CDH13: variants seen among roughly 807,000 people sequenced by gnomAD.
The protein encoded by CDH13 is cadherin 13.
CDH13 carries 24 observed loss-of-function variants against 63.8 expected under a neutral mutation model. That is an observed-to-expected ratio of 0.38 (90% CI 0.27 to 0.53). CDH13 has a LOEUF of 0.53. Among genes scored for constraint, CDH13 ranks in the 20% least tolerant of loss-of-function variants. The pLI is 0.85. For synonymous variants in CDH13, 503 were observed against 355.3 expected (o/e 1.42, Z -4.67); for missense variants, 1,049 against 903.1 (o/e 1.16, Z -2.07).
intron 4 of CDH13, among the ~76,000 whole-genome samples, chr16:83,202,835 G>C (rs781020044): frequency 6.6e-6 from 1 of 152,174 alleles, no homozygotes; most frequent in Non-Finnish European, 1.5e-5. Flanking sequence ...TTGGTACAGG[G>C]AGATAAACAT....
chr16:83,658,536 A>G (rs1223875714), intron 8 of CDH13, among the ~76,000 whole-genome samples: 5 of 142,188 alleles, frequency 3.5e-5, no homozygotes. Context: ...CCGTATCCTC[A>G]CCAGCAAGGT....
intron 4 of CDH13, among the ~76,000 whole-genome samples, chr16:83,182,065 C>CTGGTACTCAGTAAT (rs1327493746): frequency 6.6e-6 from 1 of 152,182 alleles, no homozygotes; most frequent in Non-Finnish European, 1.5e-5. Context: ...TGTGCATTGT[C>CTGGTACTCAGTAAT]TGGTACTCAG....
At chr16:82,718,881 C>G (rs757017126) in intron 1 of CDH13, among the ~76,000 whole-genome samples, 2 of 152,152 alleles carry the variant, frequency 1.3e-5, no homozygotes, top group Non-Finnish European at 1.5e-5. Context: ...ACAGCTAAAT[C>G]ATATCAAGTG....
At chr16:83,361,949 A>G (rs2091170326) in intron 6 of CDH13, among the ~76,000 whole-genome samples, 2 of 152,190 alleles carry the variant, frequency 1.3e-5, no homozygotes, top group African/African-American at 4.8e-5. Flanking sequence ...AGTTTTTCTA[A>G]TTCTATCAAA....
At position 83,339,607 on chromosome 16, in the gene CDH13, T is replaced by G. The variant is rs182297133; in HGVS notation, c.637-5255T>G. Among the ~76,000 whole-genome samples the G allele has an allele frequency of 4.1e-3, 631 of 152,214 alleles. 3 individuals are homozygous for G. Among genetic ancestry groups the G allele is most frequent in the African/African-American group, 0.014 (589 of 41,524 alleles). ...GTGCATGCTCTGCTCAGGGCCCGGA[T>G]CTGGTGTGTCAGCAGGATTCAGTAT... On this transcript the variant is annotated intron_variant, in intron 5 of 13. Transcript: ENST00000567109.
At chr16:83,300,418 T>C (rs2089706542) in intron 5 of CDH13, among the ~76,000 whole-genome samples, 1 of 152,274 alleles carries the variant, frequency 6.6e-6, no homozygotes, top group Non-Finnish European at 1.5e-5. Flanking sequence ...TATTTTCATT[T>C]GATTTTCTCA....
intron 5 of CDH13, among the ~76,000 whole-genome samples, chr16:83,334,774 C>T (rs757472923): frequency 1.8e-4 from 28 of 152,074 alleles, no homozygotes; most frequent in African/African-American, 1.2e-4. Context: ...ACCGAAACTT[C>T]ATGAAAAGAT....
At chr16:83,779,828 A>C in intron 11 of CDH13, 140 bp from the exon 12 acceptor site, 1 of 610,774 alleles carries the variant, frequency 1.6e-6, no homozygotes, top group Non-Finnish European at 2.8e-6. Flanking sequence ...ACTGCATTCC[A>C]GTCTGGGCGA....
chr16:83,779,182 G>A (rs1345776546), intron 11 of CDH13, among the ~76,000 whole-genome samples: 2 of 151,726 alleles, frequency 1.3e-5, no homozygotes, highest in Non-Finnish European at 2.9e-5. Context: ...CTAGGCAGGC[G>A]GATCACGAGG....
intron 3 of CDH13, among the ~76,000 whole-genome samples, chr16:83,053,734 C>T (rs770944629): frequency 8.5e-5 from 13 of 152,050 alleles, no homozygotes; most frequent in East Asian, 1.9e-4. Flanking sequence ...AGATAAAGAA[C>T]GCTATATCAT....
At chr16:83,482,834 G>C (rs1046119072) in intron 6 of CDH13, among the ~76,000 whole-genome samples, 1 of 152,172 alleles carries the variant, frequency 6.6e-6, no homozygotes, top group African/African-American at 2.4e-5. Flanking sequence ...GTGGGAGAAG[G>C]GACCCGGTGA....
chr16:82,993,545 G>C (rs76653241), intron 2 of CDH13, among the ~76,000 whole-genome samples: 3 of 152,100 alleles, frequency 2.0e-5, no homozygotes, highest in Non-Finnish European at 2.9e-5. Context: ...AAGTAGCATT[G>C]GGCCATGTTT....
chr16:83,086,355 G>T (rs994218859), intron 3 of CDH13, among the ~76,000 whole-genome samples: 3 of 152,088 alleles, frequency 2.0e-5, no homozygotes, highest in Non-Finnish European at 2.9e-5. Flanking sequence ...TGTGTTTTTG[G>T]GTAAGGTACT....
At position 83,659,709 on chromosome 16, in the gene CDH13, A is replaced by T. The variant is rs76774699; in HGVS notation, c.1102-11081A>T. Among the ~76,000 whole-genome samples the T allele has an allele frequency of 3.3e-3, 508 of 152,100 alleles. 7 individuals carry two copies. Among genetic ancestry groups the T allele is most frequent in the African/African-American group, 0.012 (489 of 41,464 alleles). On this transcript the variant is annotated intron_variant, in intron 8 of 13. Transcript: ENST00000567109. ...CTTTAGTCTGATACCCTTTTCTCAG[A>T]TAAGTGAACTGGGACTCAGAGATCT...
At chr16:82,946,702 C>T (rs1250075755) in intron 2 of CDH13, among the ~76,000 whole-genome samples, 11 of 148,348 alleles carry the variant, frequency 7.4e-5, no homozygotes, top group Admixed American at 6.1e-4. Flanking sequence ...GCGTGGGTGA[C>T]AGAATGAAAC....
intron 1 of CDH13, among the ~76,000 whole-genome samples, chr16:82,748,183 C>A (rs529760787): frequency 6.6e-6 from 1 of 152,272 alleles, no homozygotes; most frequent in East Asian, 1.9e-4. Context: ...AAAGCCCTGG[C>A]CACGTCTCTG....
At chr16:83,711,467 GTTGT>G (rs1040757312) in intron 10 of CDH13, among the ~76,000 whole-genome samples, 18 of 152,262 alleles carry the variant, frequency 1.2e-4, no homozygotes, top group Admixed American at 5.9e-4. Context: ...CATGTGTGTG[GTTGT>G]TTGTTTGTTT....
At chr16:82,884,792 A>G (rs931154040) in intron 2 of CDH13, among the ~76,000 whole-genome samples, 3 of 152,222 alleles carry the variant, frequency 2.0e-5, no homozygotes, top group African/African-American at 7.2e-5. Flanking sequence ...TTTTTGGATA[A>G]AAATCCTTTT....
Position 82,999,899 on chromosome 16 carries a change from C to A in CDH13, c.158-32111C>A, listed in dbSNP as rs191352981. Among the ~76,000 whole-genome samples, 24 of 152,092 alleles carry A rather than the reference C, an allele frequency of 1.6e-4. No homozygotes were observed. The South Asian group carries it at 4.6e-3, about 29-fold the overall frequency. Reference sequence around the variant, plus strand: ...GCTCTAAACCCGGGACAATTTCACCCCCTGAGGGCATTTGGCAGTGTCTAA... The same window carrying A: ...GCTCTAAACCCGGGACAATTTCACCACCTGAGGGCATTTGGCAGTGTCTAA... On this transcript the variant is annotated intron_variant, in intron 2 of 13. Coordinates refer to ENST00000567109, the MANE Select transcript of CDH13 (RefSeq NM_001257.5).
Sources: allele counts gnomAD v4.1 joint callset (sites outside exome capture counted in the v4.1 genomes callset), GRCh38; gene constraint gnomAD v4.1.1; transcripts MANE v1.5; gene names NCBI Gene and HGNC (gene_info 2026-07-23, HGNC 2026-07-21).